PCDHA1: variants seen among roughly 807,000 people sequenced by gnomAD.
PCDHA1 encodes the protein protocadherin alpha 1.
Under a neutral mutation model 61.3 loss-of-function variants are expected in PCDHA1, and 42 were observed. The ratio of observed to expected loss-of-function variants is 0.69; its 90% CI spans 0.54 to 0.89. The LOEUF is 0.89. PCDHA1 is among the 40% of genes least tolerant of loss of function. The pLI, the probability that PCDHA1 is intolerant of heterozygous loss-of-function variation, is 0.00. For missense variants in PCDHA1, 1,256 were observed against 1,235.3 expected, an observed-to-expected ratio of 1.02 and a Z score of -0.25; for synonymous variants, 610 against 553.8, an observed-to-expected ratio of 1.10 and a Z score of -1.43.
intron 1 of PCDHA1, among the ~76,000 whole-genome samples, chr5:140,946,631 T>TATATATATATATATACACAC (rs57893927): frequency 7.6e-6 from 1 of 131,856 alleles, no homozygotes; most frequent in East Asian, 2.1e-4. Flanking sequence ...TATATATATA[T>TATATATATATATATACACAC]ACAATGGAAT....
Position 140,795,774 on chromosome 5 carries a change from T to C in PCDHA1, c.2394+7090T>C, listed in dbSNP as rs1554119565. ...TTAAGTTAAACGCTTCTGATGCAGA[T>C]GAAGGACCGAACAGCGAGATTGTGT... On this transcript the variant is annotated intron_variant, in intron 1 of 3. Coordinates refer to ENST00000504120, the MANE Select transcript of PCDHA1 (RefSeq NM_018900.4). 10 of 1,613,854 alleles carry C rather than the reference T, an allele frequency of 6.2e-6. No individual in the cohort carries two copies. In the Admixed American group the frequency reaches 1.2e-4, roughly 19 times the overall value.
intron 1 of PCDHA1, among the ~76,000 whole-genome samples, chr5:140,888,737 A>T (rs1468383652): frequency 6.6e-6 from 1 of 152,036 alleles, no homozygotes; most frequent in Non-Finnish European, 1.5e-5. Context: ...TGTGAGCTCT[A>T]GGAATTATTC....
chr5:140,843,845 C>T (rs1191998999), intron 1 of PCDHA1: 4 of 1,001,396 alleles, frequency 4.0e-6, no homozygotes, highest in African/African-American at 1.6e-5. Context: ...TTTTTAGAAA[C>T]CTTTTATAAT....
rs1554135559 is a variant in PCDHA1 at position 140,836,032 on chromosome 5, C to T, written c.2394+47348C>T. 7.4e-6 allele frequency: 12 copies of T among 1,613,412 alleles called. No individual in the cohort carries two copies. The East Asian group carries it at 2.7e-4, about 36-fold the overall frequency. ...GTGCCGCCTCTGGGCAGCAACGTGA[C>T]GCTGCAGGTGTTCGTGCTGGACGAG... On this transcript the variant is annotated intron_variant, in intron 1 of 3. Coordinates refer to ENST00000504120, the MANE Select transcript of PCDHA1 (RefSeq NM_018900.4).
intron 1 of PCDHA1, among the ~76,000 whole-genome samples, chr5:140,949,557 T>C (rs955949496): frequency 6.6e-6 from 1 of 151,888 alleles, no homozygotes; most frequent in Non-Finnish European, 1.5e-5. Flanking sequence ...CTGGTCATAC[T>C]TTTTTTCTTG....
At chr5:140,802,440 C>T in intron 1 of PCDHA1, 2 of 1,614,204 alleles carry the variant, frequency 1.2e-6, no homozygotes, top group South Asian at 1.1e-5. Context: ...CCCTCTGGAC[C>T]GCGAGAGCGT....
chr5:140,802,814 T>C lies in PCDHA1; in HGVS notation c.2394+14130T>C, dbSNP rs145590069. ...TGCAGTTCCAGGTGAGTGCGCGCGA[T>C]GCGGGCGTGCCGCCTCTGGGCAGCA... On this transcript the variant is annotated intron_variant, in intron 1 of 3. Coordinates refer to ENST00000504120, the MANE Select transcript of PCDHA1 (RefSeq NM_018900.4). 4.2e-4 allele frequency: 679 copies of C among 1,613,428 alleles called. 2 individuals are homozygous for C. In the African/African-American group the frequency reaches 8.4e-3, roughly 20 times the overall value.
intron 1 of PCDHA1, among the ~76,000 whole-genome samples, chr5:140,897,453 C>T (rs1437046068): frequency 6.6e-6 from 1 of 151,162 alleles, no homozygotes; most frequent in African/African-American, 2.4e-5. Context: ...GTTTTTTGTC[C>T]TTGCGATAGT....
At chr5:140,796,990 CCCAAGGCCTCGT>C (rs1762167506) in intron 1 of PCDHA1, 1 of 1,613,628 alleles carries the variant, frequency 6.2e-7, no homozygotes, top group Admixed American at 1.7e-5. Context: ...TGGCCAGGCA[CCCAAGGCCTCGT>C]CGCGGGCGTG....
chr5:140,895,772 C>T (rs1554186642), intron 1 of PCDHA1, among the ~76,000 whole-genome samples: 1 of 152,072 alleles, frequency 6.6e-6, no homozygotes, highest in Non-Finnish European at 1.5e-5. Flanking sequence ...TTTATGGCTG[C>T]ATAGTATTCA....
chr5:140,843,328 G>T lies in PCDHA1; in HGVS notation c.2394+54644G>T, dbSNP rs2150357585. On this transcript the variant is annotated intron_variant, in intron 1 of 3. Coordinates refer to ENST00000504120, the MANE Select transcript of PCDHA1 (RefSeq NM_018900.4). ...CCACGGCCACGGTTCTGGTGTCGCT[G>T]GTGGAGAGCGGCCAGGCTCCAAAAG... 18 of 1,595,922 alleles carry T rather than the reference G, an allele frequency of 1.1e-5. 1 individual carries two copies. The South Asian group carries it at 1.7e-4, about 15-fold the overall frequency.
intron 1 of PCDHA1, chr5:140,842,821 C>A (rs782174276): frequency 1.9e-6 from 3 of 1,593,534 alleles, no homozygotes; most frequent in East Asian, 2.2e-5. Context: ...GGCGGGTGGG[C>A]GAGCGCTCGC....
chr5:140,830,054 G>C, intron 1 of PCDHA1: 1 of 1,613,740 alleles, frequency 6.2e-7, no homozygotes, highest in Non-Finnish European at 8.5e-7. Flanking sequence ...GAAAGACCAC[G>C]GTGAGCCGGC....
At chr5:140,970,960 G>T (rs3776114) in intron 1 of PCDHA1, among the ~76,000 whole-genome samples, 54,597 of 152,034 alleles carry the variant, frequency 0.36, 10,036 homozygotes, top group Admixed American at 0.46. Context: ...ATGGGAGGCA[G>T]ATTGTAGATT....
At chr5:140,830,563 TTC>T (rs1554132929) in intron 1 of PCDHA1, 10 of 991,784 alleles carry the variant, frequency 1.0e-5, no homozygotes, top group African/African-American at 1.7e-5. Context: ...TCTTCTATAT[TTC>T]TGTTTTTAAT....
chr5:140,836,448 C>T, intron 1 of PCDHA1: 1 of 1,613,824 alleles, frequency 6.2e-7, no homozygotes, highest in Non-Finnish European at 8.5e-7. Context: ...CATTGCAGGC[C>T]CAGAGACCGA....
At chr5:140,972,829 A>T (rs1554234573) in intron 1 of PCDHA1, among the ~76,000 whole-genome samples, 2 of 151,928 alleles carry the variant, frequency 1.3e-5, no homozygotes, top group African/African-American at 4.8e-5. Flanking sequence ...ACGCCTGGCT[A>T]ATTTTTGTAT....
chr5:140,944,003 C>A (rs1185007409), intron 1 of PCDHA1, among the ~76,000 whole-genome samples: 11 of 152,038 alleles, frequency 7.2e-5, no homozygotes, highest in African/African-American at 2.2e-4. Flanking sequence ...CTACTGAGTA[C>A]CCCCCAAAAG....
chr5:140,876,204 GC>G, intron 1 of PCDHA1: 1 of 1,613,934 alleles, frequency 6.2e-7, no homozygotes. Context: ...CGTTTGATAA[GC>G]CCAGCTATAA....
Sources: gnomAD v4.1 joint callset for allele counts (sites outside exome capture counted in the v4.1 genomes callset) on GRCh38, gnomAD v4.1.1 for gene constraint, MANE v1.5 for transcripts, NCBI Gene and HGNC (gene_info 2026-07-23, HGNC 2026-07-21) for gene names.